The following ATP8B4 variants were observed in gnomAD, a reference collection of about 807,000 sequenced individuals.
ATP8B4 encodes the protein probable phospholipid-transporting ATPase IM.
Under a neutral mutation model 145.6 loss-of-function variants are expected in ATP8B4, and 133 were observed. That is an observed-to-expected ratio of 0.91 (90% CI 0.79 to 1.05). The LOEUF (loss-of-function observed/expected upper bound fraction) is 1.05, where lower values mean the gene tolerates loss of function less well. ATP8B4 is among the 50% of genes least tolerant of loss of function. The pLI, the probability that ATP8B4 is intolerant of heterozygous loss-of-function variation, is 0.00. For synonymous variants in ATP8B4, 507 were observed against 492.9 expected, an observed-to-expected ratio of 1.03 and a Z score of -0.38; for missense variants, 1,458 against 1,425.2, an observed-to-expected ratio of 1.02 and a Z score of -0.37.
chr15:49,898,202 C>A lies in ATP8B4; in HGVS notation c.2339G>T (p.Cys780Phe). The change falls in exon 22 of 28, where the codon TGC (cysteine) becomes TTC (phenylalanine). Residue 780 changes from cysteine (C) to phenylalanine (F), a missense_variant. Cys to Phe is a radical substitution (Grantham distance 205). Coordinates refer to ENST00000284509, the MANE Select transcript of ATP8B4 (RefSeq NM_024837.4). ...GCAGCAAATTACAGTCTTACACATG[C>A]AAGCAAGTTCTAGGAGATCATTCTT... ...DVKNDLLELA[C>F]MCKTVICCRV... The A allele has an allele frequency of 1.9e-6, 3 of 1,613,822 alleles. No homozygotes were observed. Among genetic ancestry groups the A allele is most frequent in the Admixed American group, 1.7e-5 (1 of 59,988 alleles).
At chr15:50,017,663 G>A (rs1599835425) in intron 6 of ATP8B4, among the ~76,000 whole-genome samples, 1 of 152,128 alleles carries the variant, frequency 6.6e-6, no homozygotes, top group Admixed American at 6.5e-5. Flanking sequence ...TCTTAAACCA[G>A]AAAAAATATT....
At chr15:50,123,782 T>G (rs957380889), upstream of ATP8B4, among the ~76,000 whole-genome samples, 2 of 152,170 alleles carry the variant, frequency 1.3e-5, no homozygotes, top group Admixed American at 1.3e-4. Flanking sequence ...TATGAGACCT[T>G]TGAATTCTGA....
intron 6 of ATP8B4, among the ~76,000 whole-genome samples, chr15:50,038,044 C>T (rs1400397063): frequency 3.3e-5 from 5 of 152,118 alleles, no homozygotes; most frequent in African/African-American, 1.2e-4. Context: ...CCTGATGTGA[C>T]TGACTGCCAG....
At chr15:50,167,161 A>T (rs1473490579) in intron 1 of ATP8B4, among the ~76,000 whole-genome samples, 1 of 152,202 alleles carries the variant, frequency 6.6e-6, no homozygotes, top group Non-Finnish European at 1.5e-5. Context: ...CTAGTTTTGA[A>T]GTCAAAATCC....
chr15:50,115,635 A>G lies in ATP8B4; in HGVS notation c.-43+3488T>C, dbSNP rs561210423. Among the ~76,000 whole-genome samples, 4 of 152,124 alleles carry G rather than the reference A, an allele frequency of 2.6e-5. No homozygotes were observed. In the East Asian group the frequency reaches 5.8e-4, roughly 22 times the overall value. On this transcript the variant is annotated intron_variant, in intron 1 of 27. Coordinates refer to ENST00000284509, the MANE Select transcript of ATP8B4 (RefSeq NM_024837.4). ...GTCATGGCAAGCAGATCATACAGGC[A>G]TAGGAAGAATGTGCAGTGATATGGG...
chr15:50,054,424 T>C (rs1226488120), intron 3 of ATP8B4, among the ~76,000 whole-genome samples: 2 of 152,206 alleles, frequency 1.3e-5, no homozygotes, highest in African/African-American at 4.8e-5. Context: ...TAATGGCTAT[T>C]GCAACCAGTA....
intron 10 of ATP8B4, among the ~76,000 whole-genome samples, chr15:49,981,788 A>C (rs570317660): frequency 6.6e-6 from 1 of 152,264 alleles, no homozygotes; most frequent in African/African-American, 2.4e-5. Flanking sequence ...TACATCAGCA[A>C]GTAATTTAAA....
intron 2 of ATP8B4, among the ~76,000 whole-genome samples, chr15:50,095,348 T>C (rs1459189097): frequency 2.0e-5 from 3 of 152,188 alleles, no homozygotes; most frequent in Non-Finnish European, 4.4e-5. Flanking sequence ...AAATATTTGA[T>C]TGTTTTTAAG....
chr15:49,923,455 C>T lies in ATP8B4; in HGVS notation c.1682G>A (p.Gly561Glu), dbSNP rs1443640751. The change falls in exon 17 of 28, where the codon GGA becomes GAA. Residue 561 changes from glycine (G) to glutamate (E), a missense_variant. Physicochemically the swap from Gly to Glu is moderately conservative, Grantham distance 98. Coordinates refer to ENST00000284509, the MANE Select transcript of ATP8B4 (RefSeq NM_024837.4). ...PEGQIKLYSK[G>E]ADTILFEKLH... Reference sequence around the variant, plus strand: ...TTTTTCAAACAGAATAGTATCTGCTCCTTTGGAATAAAGCTTTATCTGTCC... The same window carrying T: ...TTTTTCAAACAGAATAGTATCTGCTTCTTTGGAATAAAGCTTTATCTGTCC... 2 of 1,612,434 alleles carry T rather than the reference C, an allele frequency of 1.2e-6. No homozygotes were observed. The highest frequency in any genetic ancestry group is 1.1e-5 in the South Asian group (1 of 90,810).
At chr15:50,034,269 C>T (rs2050669277) in intron 6 of ATP8B4, among the ~76,000 whole-genome samples, 3 of 142,806 alleles carry the variant, frequency 2.1e-5, no homozygotes, top group Admixed American at 1.4e-4. Context: ...TCACTCTTGT[C>T]ACCCAGGCTG....
chr15:49,928,724 G>A (rs928904790), intron 16 of ATP8B4, among the ~76,000 whole-genome samples: 3 of 152,022 alleles, frequency 2.0e-5, no homozygotes, highest in Non-Finnish European at 4.4e-5. Context: ...AGGACAAAAA[G>A]CTTTCATGAT....
At chr15:50,082,979 G>A (rs1213461809) in intron 2 of ATP8B4, among the ~76,000 whole-genome samples, 11 of 152,188 alleles carry the variant, frequency 7.2e-5, no homozygotes, top group African/African-American at 2.7e-4. Context: ...TAGATATAAG[G>A]AGATGGTGGT....
At chr15:50,164,202 G>T (rs544898289) in intron 1 of ATP8B4, among the ~76,000 whole-genome samples, 1 of 152,190 alleles carries the variant, frequency 6.6e-6, no homozygotes, top group Admixed American at 6.5e-5. Flanking sequence ...AACAGAATGA[G>T]TCTCTCTCTG....
At chr15:50,079,004 CCT>C (rs2054367296) in intron 2 of ATP8B4, among the ~76,000 whole-genome samples, 1 of 152,102 alleles carries the variant, frequency 6.6e-6, no homozygotes, top group Non-Finnish European at 1.5e-5. Context: ...AACAGTAAGA[CCT>C]ACTATTTGAC....
chr15:50,120,584 T>C (rs562682607), upstream of ATP8B4, among the ~76,000 whole-genome samples: 7 of 152,302 alleles, frequency 4.6e-5, no homozygotes, highest in South Asian at 1.2e-3. Context: ...CTGAGTATAG[T>C]AGTGCCTATC....
chr15:50,156,067 TAA>T lies in ATP8B4; in HGVS notation c.-43+26192_-43+26193del, dbSNP rs1457298778. ...CCCTGAATTCTTGGTAATAAATAAA[TAA>T]ATAAATATATATATATATATATAAA... On this transcript the variant is annotated intron_variant, in intron 1 of 3. Transcript: ENST00000558829. Among the ~76,000 whole-genome samples the T allele has an allele frequency of 3.3e-3, 163 of 49,130 alleles. 5 individuals are homozygous for T. The highest frequency in any genetic ancestry group is 4.3e-3 in the South Asian group (4 of 920). The allele number at this position is 49,130 out of a possible 152,430, so 32.2% of individuals were successfully genotyped here.
At chr15:50,104,921 T>A (rs2056593010) in intron 2 of ATP8B4, among the ~76,000 whole-genome samples, 2 of 147,426 alleles carry the variant, frequency 1.4e-5, no homozygotes, top group Non-Finnish European at 3.0e-5. Context: ...TACTCAGCCA[T>A]AAGAATGAAC....
intron 24 of ATP8B4, 196 bp from the exon 25 acceptor site, chr15:49,876,719 G>T: frequency 1.2e-6 from 1 of 835,814 alleles, no homozygotes; most frequent in South Asian, 1.4e-5. Flanking sequence ...CTACTTTACA[G>T]AGAAGGAGCT....
At chr15:49,980,548 A>T (rs2046065745) in intron 11 of ATP8B4, among the ~76,000 whole-genome samples, 1 of 152,188 alleles carries the variant, frequency 6.6e-6, no homozygotes, top group Admixed American at 6.5e-5. Context: ...CGAGTAGTAG[A>T]GAATATCATT....
Sources: allele counts gnomAD v4.1 joint callset (sites outside exome capture counted in the v4.1 genomes callset), GRCh38; gene constraint gnomAD v4.1.1; transcripts MANE v1.5; gene names NCBI Gene and HGNC (gene_info 2026-07-23, HGNC 2026-07-21).